Variants in KLF5 observed in about 807,000 individuals in gnomAD.
The protein encoded by KLF5 is Krueppel-like factor 5.
A neutral mutation model predicts 36.9 loss-of-function variants in KLF5; 9 were observed. That is an observed-to-expected ratio of 0.24 (90% confidence interval 0.15 to 0.43). The LOEUF (loss-of-function observed/expected upper bound fraction) is 0.43. Ranked by LOEUF, KLF5 falls within the 20% of genes least tolerant of loss-of-function variation. The pLI is 1.00. For missense variants in KLF5, 524 were observed against 599.5 expected (o/e 0.87, Z 1.31); for synonymous variants, 246 against 241.7 (o/e 1.02, Z -0.17).
intron 3 of KLF5, 35 bp from the exon 4 acceptor site, chr13:73,075,673 G>GC: frequency 6.5e-7 from 1 of 1,531,032 alleles, no homozygotes; most frequent in Non-Finnish European, 8.9e-7. Flanking sequence ...TGCATTACAA[G>GC]CAGGCCGCTT....
chr13:73,059,776 G>T, intron 1 of KLF5, 188 bp downstream of exon 1: 1 of 548,284 alleles, frequency 1.8e-6, no homozygotes, highest in Non-Finnish European at 2.1e-6. Context: ...AGAGTAAATG[G>T]GGGGGGGGGC....
chr13:73,059,525 G>T lies in KLF5; in HGVS notation c.198G>T (p.Gln66His). Residue 66 changes from glutamine to histidine, a missense_variant, in exon 1 of 4, where the codon CAG becomes CAT. Around this residue, in one of 4 missense-constraint regions of KLF5, gnomAD observed 454 missense variants for 458.1 expected, o/e 0.99. Coordinates refer to ENST00000377687, the MANE Select transcript of KLF5 (RefSeq NM_001730.5). ...HRPQAQPAPA[Q>H]APQPAQPPAT... ...CGCAGGCGCAGCCCGCGCCCGCGCA[G>T]GCCCCGCAGCCGGCCCAGCCGCCCG... 8.3e-7 allele frequency: 1 copy of T among 1,200,462 alleles called. No individual in the cohort carries two copies. The highest frequency in any genetic ancestry group is 1.0e-6 in the Non-Finnish European group (1 of 971,578). The allele number at this position is 1,200,462 out of a possible 1,614,324, so 74.4% of individuals were successfully genotyped here.
At chr13:73,071,187 AC>A (rs1188895030) in intron 3 of KLF5, among the ~76,000 whole-genome samples, 5 of 152,226 alleles carry the variant, frequency 3.3e-5, no homozygotes, top group Non-Finnish European at 7.3e-5. Context: ...TGATGGGGAT[AC>A]AGAGAAGTGA....
chr13:73,060,861 C>G (rs2044629704), intron 1 of KLF5, among the ~76,000 whole-genome samples: 1 of 152,158 alleles, frequency 6.6e-6, no homozygotes, highest in African/African-American at 2.4e-5. Context: ...CTTGAGGCGA[C>G]TTGTTACAAG....
intron 1 of KLF5, among the ~76,000 whole-genome samples, 196 bp from the exon 2 acceptor site, chr13:73,061,663 CAG>C (rs1416479484): frequency 2.0e-5 from 3 of 152,246 alleles, no homozygotes; most frequent in Non-Finnish European, 1.5e-5. Context: ...ACCAGTTACA[CAG>C]AGTTTCATAA....
In KLF5 at chr13:73,076,097, A is replaced by T; in HGVS notation, c.*211A>T. 2.3e-5 allele frequency: 9 copies of T among 393,502 alleles called. No individual in the cohort carries two copies. Among genetic ancestry groups the T allele is most frequent in the African/African-American group, 2.1e-5 (1 of 48,644 alleles). The allele number at this position is 393,502 out of a possible 1,614,324, so 24.4% of individuals were successfully genotyped here. A position where few individuals can be genotyped will look rare whatever the true frequency, so the allele number is the denominator to read the frequency against. ...TTAAGAATCTGGAATGCTTGCTGTA[A>T]TGTATATGGCTTTACTCAAGCAGAT... On this transcript the variant is annotated 3_prime_UTR_variant, in exon 4 of 4. Transcript: ENST00000377687.
chr13:73,063,882 T>G lies in KLF5; in HGVS notation c.1194T>G (p.Thr398=). 2 of 1,588,842 alleles carry G rather than the reference T, an allele frequency of 1.3e-6. No homozygotes were observed. The highest frequency in any genetic ancestry group is 2.2e-5 in the South Asian group (2 of 90,460). ...TAAAAGCTCACCTGAGGACTCACAC[T>G]GGTATGTAATTTTCTTGTTAATTCT... ...SHLKAHLRTH[T]GEKPYKCTWE... The change falls in exon 3 of 4, where the codon ACT becomes ACG. Residue 398 remains threonine (T), a splice_region_variant and synonymous_variant. Transcript: ENST00000377687.
At chr13:73,064,595 G>T (rs2044665810) in intron 3 of KLF5, among the ~76,000 whole-genome samples, 1 of 152,130 alleles carries the variant, frequency 6.6e-6, no homozygotes. Flanking sequence ...CCAGGCTGTA[G>T]TGCAGTGGTG....
At chr13:73,060,302 C>T (rs1208353912) in intron 1 of KLF5, among the ~76,000 whole-genome samples, 1 of 152,064 alleles carries the variant, frequency 6.6e-6, no homozygotes, top group Non-Finnish European at 1.5e-5. Context: ...TTTCTTTCGC[C>T]CACGCAGGGA....
chr13:73,067,079 A>G (rs985682990), intron 3 of KLF5, among the ~76,000 whole-genome samples: 2 of 152,168 alleles, frequency 1.3e-5, no homozygotes, highest in Admixed American at 6.5e-5. Context: ...CTAGGTAACA[A>G]TGTCAATGAG....
rs368263038 is a variant in KLF5 at position 73,062,410 on chromosome 13, C to G, written c.811C>G (p.Pro271Ala). Residue 271 changes from proline (P) to alanine (A), a missense_variant, in exon 2 of 4, where the codon CCG becomes GCG. Physicochemically the swap from Pro to Ala is conservative, Grantham distance 27. Transcript: ENST00000377687. ...AGLNTHTSAV[P>A]QTAVKQFQGM... ...CCTTAACACACACACCTCTGCTGTT[C>G]CGCAGACTGCAGTGAAACAATTCCA... 2 of 1,614,086 alleles carry G rather than the reference C, an allele frequency of 1.2e-6. No homozygotes were observed. Among genetic ancestry groups the G allele is most frequent in the East Asian group, 2.2e-5 (1 of 44,896 alleles).
In KLF5 at chr13:73,076,977, T is replaced by C. The variant is rs1200842763; in HGVS notation, c.*1091T>C. The C allele has an allele frequency of 2.0e-5, 3 of 152,530 alleles. No individual in the cohort carries two copies. The highest frequency in any genetic ancestry group is 2.0e-4 in the Admixed American group (3 of 15,276). The allele number at this position is 152,530 out of a possible 1,614,324, so 9.4% of individuals were successfully genotyped here. A position where few individuals can be genotyped will look rare whatever the true frequency, so the allele number is the denominator to read the frequency against. ...ATTTTATCTAAATTACAGTGCAGTTTAGTTAATCTATTAATACTGACTCAG... is the reference window on the plus strand; with the variant it reads ...ATTTTATCTAAATTACAGTGCAGTTCAGTTAATCTATTAATACTGACTCAG... On this transcript the variant is annotated 3_prime_UTR_variant, in exon 4 of 4. Coordinates refer to ENST00000377687, the MANE Select transcript of KLF5 (RefSeq NM_001730.5).
At chr13:73,067,517 C>A (rs921421330) in intron 3 of KLF5, among the ~76,000 whole-genome samples, 1 of 152,194 alleles carries the variant, frequency 6.6e-6, no homozygotes, top group African/African-American at 2.4e-5. Context: ...CGTGGATATA[C>A]ACTTAACCTT....
At chr13:73,061,722 A>G in intron 1 of KLF5, 139 bp from the exon 2 acceptor site, 1 of 718,642 alleles carries the variant, frequency 1.4e-6, no homozygotes, top group Non-Finnish European at 2.4e-6. Flanking sequence ...TAAGCCTGAT[A>G]TGTTTATAAG....
At chr13:73,074,233 G>A (rs1346476692) in intron 3 of KLF5, among the ~76,000 whole-genome samples, 1 of 152,168 alleles carries the variant, frequency 6.6e-6, no homozygotes, top group Non-Finnish European at 1.5e-5. Context: ...CTCAGTTGAT[G>A]AGGACAGGGT....
At chr13:73,069,411 T>C (rs532185264) in intron 3 of KLF5, among the ~76,000 whole-genome samples, 3 of 152,226 alleles carry the variant, frequency 2.0e-5, no homozygotes, top group African/African-American at 7.2e-5. Context: ...AGTGGTTTTT[T>C]GAGTCTCTAT....
intron 3 of KLF5, among the ~76,000 whole-genome samples, chr13:73,064,962 A>G (rs2044668935): frequency 6.6e-6 from 1 of 152,220 alleles, no homozygotes; most frequent in East Asian, 1.9e-4. Flanking sequence ...ATAGATGGTT[A>G]CTATTTGCGA....
At chr13:73,067,537 G>T (rs2044688769) in intron 3 of KLF5, among the ~76,000 whole-genome samples, 1 of 152,172 alleles carries the variant, frequency 6.6e-6, no homozygotes, top group African/African-American at 2.4e-5. Context: ...TAGAGAATAT[G>T]GAAAAGCTGT....
rs185905016 is a variant in KLF5, at chr13:73,073,836, T to C, written c.1196-1872T>C. Among the ~76,000 whole-genome samples, 383 of 152,342 alleles carry C rather than the reference T, an allele frequency of 2.5e-3. 5 individuals are homozygous for C. Among genetic ancestry groups the C allele is most frequent in the Non-Finnish European group, 4.3e-3 (293 of 68,026 alleles). ...TTTACTACTGGTGTTAAAATATTTC[T>C]ATATATCAGACATTTTATGTGATTG... On this transcript the variant is annotated intron_variant, in intron 3 of 3. Transcript: ENST00000377687.
Sources: gnomAD v4.1 joint callset for allele counts (sites outside exome capture counted in the v4.1 genomes callset) on GRCh38, gnomAD v4.1.1 for gene constraint, gnomAD v4.1.1 regional missense constraint, MANE v1.5 for transcripts, NCBI Gene and HGNC (gene_info 2026-07-23, HGNC 2026-07-21) for gene names.